The following MSL2 variants were observed in gnomAD, a reference collection of about 807,000 sequenced individuals.
MSL2 encodes the protein MSL complex subunit 2.
MSL2 carries 2 observed loss-of-function variants against 35.8 expected under a neutral mutation model. The ratio of observed to expected loss-of-function variants is 0.06; its 90% CI spans 0.02 to 0.18. The LOEUF (loss-of-function observed/expected upper bound fraction) is 0.18, where lower values mean the gene tolerates loss of function less well. Ranked by LOEUF, MSL2 falls within the 10% of genes least tolerant of loss-of-function variation. MSL2 has a pLI of 1.00. For missense variants in MSL2, 523 were observed against 706.7 expected (o/e 0.74, Z 2.95); for synonymous variants, 296 against 255.7 (o/e 1.16, Z -1.50).
At chr3:136,179,606 T>C (rs1222827062) in intron 1 of MSL2, among the ~76,000 whole-genome samples, 1 of 152,228 alleles carries the variant, frequency 6.6e-6, no homozygotes, top group Non-Finnish European at 1.5e-5. Flanking sequence ...CCTGGCGACA[T>C]TTCATCATTT....
rs990757617 is a variant in MSL2, at chr3:136,188,440, A to G, written c.142+6532T>C. Among the ~76,000 whole-genome samples the G allele has an allele frequency of 5.9e-5, 7 of 118,488 alleles. 1 individual carries two copies. The highest frequency in any genetic ancestry group is 2.1e-4 in the East Asian group (1 of 4,652). 77.7% of individuals were successfully genotyped at this position (118,488 alleles called of 152,430 possible). A position where few individuals can be genotyped will look rare whatever the true frequency, so the allele number is the denominator to read the frequency against. ...AGAGCAAGACTCCATCTGGAAGAAG[A>G]AAAAAAAAAAAAAAAAGTCCACTAA... On this transcript the variant is annotated intron_variant, in intron 1 of 1. Coordinates refer to ENST00000309993, the MANE Select transcript of MSL2 (RefSeq NM_018133.4).
intron 1 of MSL2, among the ~76,000 whole-genome samples, chr3:136,185,181 G>C (rs1426132561): frequency 1.3e-5 from 2 of 151,812 alleles, no homozygotes; most frequent in African/African-American, 4.8e-5. Flanking sequence ...TCACCATGTT[G>C]GCTAGGCTGA....
chr3:136,187,000 T>C (rs959174122), intron 1 of MSL2, among the ~76,000 whole-genome samples: 1 of 152,100 alleles, frequency 6.6e-6, no homozygotes, highest in African/African-American at 2.4e-5. Flanking sequence ...CAAAAAAAAA[T>C]GTCCATACAT....
At chr3:136,192,935 G>C (rs548036131) in intron 1 of MSL2, among the ~76,000 whole-genome samples, 1 of 152,026 alleles carries the variant, frequency 6.6e-6, no homozygotes, top group Non-Finnish European at 1.5e-5. Flanking sequence ...TATAATCATA[G>C]ACTTACGTCC....
chr3:136,164,740 G>A (rs1019417681), intron 1 of MSL2, among the ~76,000 whole-genome samples: 5 of 152,126 alleles, frequency 3.3e-5, no homozygotes, highest in Non-Finnish European at 7.4e-5. Flanking sequence ...TACAACAGGA[G>A]GAAATATGTC....
intron 1 of MSL2, among the ~76,000 whole-genome samples, chr3:136,162,969 ATTT>A (rs542937035): frequency 1.4e-5 from 2 of 137,960 alleles, no homozygotes; most frequent in Non-Finnish European, 3.1e-5. Context: ...GAGGACTTGG[ATTT>A]TTTTTTTTTT....
rs1268460070 is a variant in MSL2 at position 136,196,088 on chromosome 3, C to A, written c.-975G>T. On this transcript the variant is annotated 5_prime_UTR_variant, in exon 1 of 2. Coordinates refer to ENST00000309993, the MANE Select transcript of MSL2 (RefSeq NM_018133.4). Reference sequence around the variant, plus strand: ...GCGCTCACACCGCCAGGCCCCGCCGCCGCCCAGCGCACACAGCAAGGCCCC... The same window carrying A: ...GCGCTCACACCGCCAGGCCCCGCCGACGCCCAGCGCACACAGCAAGGCCCC... 1 of 155,400 alleles carries A rather than the reference C, an allele frequency of 6.4e-6. No homozygotes were observed. Among genetic ancestry groups the A allele is most frequent in the Non-Finnish European group, 1.4e-5 (1 of 70,274 alleles). The allele number at this position is 155,400 out of a possible 1,614,324, so 9.6% of individuals were successfully genotyped here. A position where few individuals can be genotyped will look rare whatever the true frequency, so the allele number is the denominator to read the frequency against.
In MSL2 at chr3:136,192,913, T is replaced by C. The variant is rs986351699; in HGVS notation, c.142+2059A>G. ...GGCTGAATTCAAATAACTGATTTTT[T>C]TTCTATGTCTTTATAATCATAGACT... is the stretch of plus-strand genomic sequence containing the variant. On this transcript the variant is annotated intron_variant, in intron 1 of 1. Transcript: ENST00000309993. 5.3e-5 allele frequency among the ~76,000 whole-genome samples: 8 copies of C among 152,338 alleles called. No homozygotes were observed. In the South Asian group the frequency reaches 1.2e-3, roughly 24 times the overall value.
At chr3:136,176,770 T>A (rs1011401502) in intron 1 of MSL2, among the ~76,000 whole-genome samples, 3 of 152,158 alleles carry the variant, frequency 2.0e-5, no homozygotes, top group African/African-American at 7.2e-5. Flanking sequence ...CCTTCTGCCA[T>A]GATTGGAAGC....
At chr3:136,170,501 C>T (rs1395535534) in intron 1 of MSL2, among the ~76,000 whole-genome samples, 8 of 146,724 alleles carry the variant, frequency 5.5e-5, no homozygotes, top group Admixed American at 5.4e-4. Flanking sequence ...GGAAAAAAAA[C>T]TCTGTCCTTT....
chr3:136,195,012 G>C lies in MSL2; in HGVS notation c.102C>G (p.Leu34=). The change falls in exon 1 of 2, where the codon CTC becomes CTG. Residue 34 remains leucine (L), a synonymous_variant. Coordinates refer to ENST00000309993, the MANE Select transcript of MSL2 (RefSeq NM_018133.4). ...DPKAFTEINR[L]LPYFRQSLSC... is the part of the protein sequence containing the mutation. ...AAAGGGACTGTCGGAAGTAAGGCAAGAGCCTGTTAATCTCAGTAAACGCCT... is the reference window on the plus strand; with the variant it reads ...AAAGGGACTGTCGGAAGTAAGGCAACAGCCTGTTAATCTCAGTAAACGCCT... 6 of 1,614,022 alleles carry C rather than the reference G, an allele frequency of 3.7e-6. No homozygotes were observed.
chr3:136,185,744 G>C (rs1425250337), intron 1 of MSL2, among the ~76,000 whole-genome samples: 24 of 152,062 alleles, frequency 1.6e-4, no homozygotes, highest in Non-Finnish European at 7.4e-5. Flanking sequence ...GACCTCAGAT[G>C]ATCCACCTGC....
In MSL2 at chr3:136,149,118, T is replaced by G. The variant is rs1445187780; in HGVS notation, c.*2029A>C. 1.5e-5 allele frequency: 2 copies of G among 133,540 alleles called. No individual in the cohort carries two copies. Among genetic ancestry groups the G allele is most frequent in the Admixed American group, 7.5e-5 (1 of 13,380 alleles). The allele number at this position is 133,540 out of a possible 1,614,324, so 8.3% of individuals were successfully genotyped here. ...GTCTATATTGCCAACCTCCCATGCA[T>G]CAAAAAAAAAAAAAAACCCACAAGA... On this transcript the variant is annotated 3_prime_UTR_variant, in exon 2 of 2. Coordinates refer to ENST00000309993, the MANE Select transcript of MSL2 (RefSeq NM_018133.4).
intron 1 of MSL2, among the ~76,000 whole-genome samples, chr3:136,181,823 G>A (rs1227759274): frequency 6.6e-6 from 1 of 151,974 alleles, no homozygotes; most frequent in Non-Finnish European, 1.5e-5. Context: ...GGAGGCTGAG[G>A]CAGAAGAACT....
In MSL2 at chr3:136,152,013, A is replaced by G. The variant is rs746584367; in HGVS notation, c.868T>C (p.Leu290=). 1 of 1,614,236 alleles carries G rather than the reference A, an allele frequency of 6.2e-7. No individual in the cohort carries two copies. The highest frequency in any genetic ancestry group is 8.5e-7 in the Non-Finnish European group (1 of 1,180,034). Residue 290 remains leucine (L), a synonymous_variant, in exon 2 of 2, where the codon TTG becomes CTG. Coordinates refer to ENST00000309993, the MANE Select transcript of MSL2 (RefSeq NM_018133.4). ...ACAGTGGCTTCCAAGTTCGGCTGCA[A>G]ATTAGGGCAACAGACCTCTGTATTT... is the stretch of plus-strand genomic sequence containing the variant. ...VSNTEVCCPN[L]QPNLEATVSN...
At chr3:136,154,539 T>G (rs1939462033) in intron 1 of MSL2, among the ~76,000 whole-genome samples, 3 of 151,742 alleles carry the variant, frequency 2.0e-5, no homozygotes, top group Admixed American at 2.0e-4. Context: ...AAAGAATATG[T>G]TCAACCACAA....
chr3:136,164,809 G>C (rs1305845394), intron 1 of MSL2, among the ~76,000 whole-genome samples: 3 of 152,098 alleles, frequency 2.0e-5, no homozygotes, highest in African/African-American at 4.8e-5. Flanking sequence ...GTTTGATTTA[G>C]CATAGATCGT....
chr3:136,154,669 T>C (rs1395149431), intron 1 of MSL2, among the ~76,000 whole-genome samples: 3 of 152,046 alleles, frequency 2.0e-5, no homozygotes, highest in Admixed American at 6.6e-5. Flanking sequence ...TGAGAAAACA[T>C]TTACCAAATG....
At chr3:136,187,726 G>C (rs1940563037) in intron 1 of MSL2, among the ~76,000 whole-genome samples, 1 of 151,974 alleles carries the variant, frequency 6.6e-6, no homozygotes, top group South Asian at 2.1e-4. Flanking sequence ...AACAATTTCA[G>C]TTGTATCACT....
Sources: allele counts gnomAD v4.1 joint callset (sites outside exome capture counted in the v4.1 genomes callset), GRCh38; gene constraint gnomAD v4.1.1; transcripts MANE v1.5; gene names NCBI Gene and HGNC (gene_info 2026-07-23, HGNC 2026-07-21).